The following CBFA2T2 variants were observed in gnomAD, a reference collection of about 807,000 sequenced individuals.
CBFA2T2 encodes the protein protein CBFA2T2.
A neutral mutation model predicts 62.2 loss-of-function variants in CBFA2T2; 11 were observed. The ratio of observed to expected loss-of-function variants is 0.18; its 90% confidence interval spans 0.11 to 0.29. CBFA2T2 has a LOEUF of 0.29. Among genes scored for constraint, CBFA2T2 ranks in the 10% least tolerant of loss-of-function variants. CBFA2T2 has a pLI of 1.00. For synonymous variants in CBFA2T2, 295 were observed against 287.5 expected (o/e 1.03, Z -0.27); for missense variants, 592 against 774.1 (o/e 0.76, Z 2.79).
At chr20:33,535,620 T>A (rs1365538339) in intron 1 of CBFA2T2, among the ~76,000 whole-genome samples, 47 of 142,660 alleles carry the variant, frequency 3.3e-4, no homozygotes, top group African/African-American at 1.1e-3. Context: ...TTTTTTATTT[T>A]TTCTTTTTTT....
rs1221005332 is a variant in CBFA2T2, at chr20:33,621,196, A to G, written c.510+1590A>G. 3.3e-5 allele frequency among the ~76,000 whole-genome samples: 5 copies of G among 150,948 alleles called. No homozygotes were observed. The South Asian group carries it at 8.3e-4, about 25-fold the overall frequency. The stretch of plus-strand genomic sequence containing the variant: ...TCATTTAACAGAAAAACTGTATTCA[A>G]TTGTTACTGTATTTTGAATTTTGTC... On this transcript the variant is annotated intron_variant, in intron 4 of 10. Transcript: ENST00000342704.
At chr20:33,582,938 TAA>T (rs1179723293) in intron 1 of CBFA2T2, among the ~76,000 whole-genome samples, 7 of 140,988 alleles carry the variant, frequency 5.0e-5, no homozygotes, top group Admixed American at 7.1e-5. Flanking sequence ...CAAGACAGTC[TAA>T]AAAAAAAAAA....
intron 1 of CBFA2T2, among the ~76,000 whole-genome samples, chr20:33,513,282 G>A (rs2011540236): frequency 6.6e-6 from 1 of 151,890 alleles, no homozygotes; most frequent in Admixed American, 6.6e-5. Flanking sequence ...CCTCTGCTTT[G>A]TGAGATAGGT....
rs2013703803 is a variant in CBFA2T2 at position 33,574,053 on chromosome 20, T to G, written c.35-32903T>G. Reference sequence around the variant, plus strand: ...ATCTTCCCATGTTGGCTGCCCAAAGTGCTGGGATTACAGGCAAGAGCCACC... The same window carrying G: ...ATCTTCCCATGTTGGCTGCCCAAAGGGCTGGGATTACAGGCAAGAGCCACC... On this transcript the variant is annotated intron_variant, in intron 1 of 10. Coordinates refer to ENST00000342704, the MANE Select transcript of CBFA2T2 (RefSeq NM_001032999.3). 4.9e-6 allele frequency: 7 copies of G among 1,424,534 alleles called. No individual in the cohort carries two copies. In the East Asian group the frequency reaches 1.6e-4, roughly 33 times the overall value. The allele number at this position is 1,424,534 out of a possible 1,614,324, so 88.2% of individuals were successfully genotyped here. A position where few individuals can be genotyped will look rare whatever the true frequency, so the allele number is the denominator to read the frequency against.
intron 1 of CBFA2T2, among the ~76,000 whole-genome samples, chr20:33,513,816 G>A (rs1311142965): frequency 5.3e-4 from 59 of 111,420 alleles, no homozygotes; most frequent in South Asian, 6.7e-4. Flanking sequence ...TCTGTCCCAG[G>A]AAAAAAAAAA....
intron 1 of CBFA2T2, among the ~76,000 whole-genome samples, chr20:33,577,274 A>C (rs1386081748): frequency 6.6e-6 from 1 of 152,186 alleles, no homozygotes; most frequent in Non-Finnish European, 1.5e-5. Flanking sequence ...GATGGATAAA[A>C]ACTTTCTGGA....
chr20:33,493,068 GTTT>G (rs1157324208), intron 1 of CBFA2T2, among the ~76,000 whole-genome samples: 5 of 88,078 alleles, frequency 5.7e-5, no homozygotes, highest in South Asian at 4.2e-4. Flanking sequence ...TGAAGTTTTG[GTTT>G]TTTTTTTTTT....
chr20:33,503,495 C>T (rs1192026822), intron 1 of CBFA2T2, among the ~76,000 whole-genome samples: 2 of 151,982 alleles, frequency 1.3e-5, no homozygotes, highest in Non-Finnish European at 1.5e-5. Flanking sequence ...CCTCGTGATC[C>T]GCCCGCCTCG....
At position 33,538,210 on chromosome 20, in the gene CBFA2T2, A is replaced by G. The variant is rs373056096; in HGVS notation, c.34+47909A>G. On this transcript the variant is annotated intron_variant, in intron 1 of 10. Transcript: ENST00000342704. ...CAAATTTTTCTCTTAATATTTCACA[A>G]TTTTTGATACTGTTTTAATTTTTTC... 3.0e-4 allele frequency among the ~76,000 whole-genome samples: 45 copies of G among 152,158 alleles called. 1 individual carries two copies. In the East Asian group the frequency reaches 7.9e-3, roughly 27 times the overall value.
intron 1 of CBFA2T2, among the ~76,000 whole-genome samples, chr20:33,548,533 C>T (rs1484330834): frequency 2.0e-5 from 3 of 152,062 alleles, no homozygotes; most frequent in Admixed American, 6.6e-5. Context: ...CATGAGCCAC[C>T]GTGCCTGGCC....
intron 1 of CBFA2T2, among the ~76,000 whole-genome samples, chr20:33,516,001 C>G (rs1199041029): frequency 6.6e-6 from 1 of 151,800 alleles, no homozygotes; most frequent in Non-Finnish European, 1.5e-5. Flanking sequence ...AAAAATTAGC[C>G]AGTAGCACAC....
chr20:33,624,414 CT>C (rs1003624902), intron 5 of CBFA2T2, among the ~76,000 whole-genome samples: 196 of 151,706 alleles, frequency 1.3e-3, no homozygotes, highest in African/African-American at 4.6e-3. Flanking sequence ...AGTAACTCAT[CT>C]CCACAGTAAC....
rs541858444 is a variant in CBFA2T2 at position 33,573,668 on chromosome 20, G to T, written c.35-33288G>T. ...GGCTAATTTTTATATTTTTAATAGA[G>T]ATAGGGTTTTACCATATTTGCCAGG... On this transcript the variant is annotated intron_variant, in intron 1 of 10. Coordinates refer to ENST00000342704, the MANE Select transcript of CBFA2T2 (RefSeq NM_001032999.3). Among the ~76,000 whole-genome samples the T allele has an allele frequency of 2.5e-4, 38 of 152,110 alleles. No individual in the cohort carries two copies. In the East Asian group the frequency reaches 7.2e-3, roughly 29 times the overall value.
intron 2 of CBFA2T2, 106 bp from the exon 3 acceptor site, chr20:33,610,988 C>A: frequency 1.4e-6 from 2 of 1,402,442 alleles, no homozygotes; most frequent in Non-Finnish European, 2.0e-6. Flanking sequence ...ATAACATGTG[C>A]TTTACAAAAT....
At chr20:33,504,936 C>T (rs1487174069) in intron 1 of CBFA2T2, among the ~76,000 whole-genome samples, 1 of 152,066 alleles carries the variant, frequency 6.6e-6, no homozygotes, top group Non-Finnish European at 1.5e-5. Context: ...AATGTAGGGT[C>T]CCTTGCTATT....
At chr20:33,556,540 T>G (rs138927597) in intron 1 of CBFA2T2, among the ~76,000 whole-genome samples, 10 of 152,324 alleles carry the variant, frequency 6.6e-5, no homozygotes, top group African/African-American at 2.4e-4. Flanking sequence ...TGTCCTGTTT[T>G]TCATTAGTTT....
intron 1 of CBFA2T2, among the ~76,000 whole-genome samples, chr20:33,550,744 C>T (rs1170082555): frequency 6.6e-6 from 1 of 152,080 alleles, no homozygotes; most frequent in African/African-American, 2.4e-5. Context: ...GCCTCAGCTT[C>T]CCTAGTAGCT....
At chr20:33,617,292 C>T (rs1039340069) in intron 3 of CBFA2T2, among the ~76,000 whole-genome samples, 2 of 152,142 alleles carry the variant, frequency 1.3e-5, no homozygotes, top group African/African-American at 4.8e-5. Context: ...GTGTCCTGTA[C>T]ATGTGTACCT....
intron 1 of CBFA2T2, among the ~76,000 whole-genome samples, chr20:33,579,153 G>A (rs906470746): frequency 1.7e-4 from 25 of 144,078 alleles, no homozygotes; most frequent in Middle Eastern, 7.1e-3. Flanking sequence ...TCCTTCTGTC[G>A]CCCAGGCTGG....
Sources: gnomAD v4.1 joint callset for allele counts (sites outside exome capture counted in the v4.1 genomes callset) on GRCh38, gnomAD v4.1.1 for gene constraint, MANE v1.5 for transcripts, NCBI Gene and HGNC (gene_info 2026-07-23, HGNC 2026-07-21) for gene names.